The following AKAP13 variants were observed in gnomAD, a reference collection of about 807,000 sequenced individuals.
The protein encoded by AKAP13 is A-kinase anchoring protein 13, also known as A-kinase anchor protein 13.
AKAP13 carries 80 observed loss-of-function variants against 264.5 expected under a neutral mutation model. The observed-to-expected ratio is 0.30, with a 90% CI of 0.25 to 0.36. The LOEUF is 0.36. Among genes scored for constraint, AKAP13 ranks in the 10% least tolerant of loss-of-function variants. AKAP13 has a pLI of 1.00. For synonymous variants in AKAP13, 1,380 were observed against 1,250.2 expected, an observed-to-expected ratio of 1.10 and a Z score of -2.19; for missense variants, 3,712 against 3,435.2, an observed-to-expected ratio of 1.08 and a Z score of -2.01.
chr15:85,639,972 G>A (rs2082234859), intron 9 of AKAP13, among the ~76,000 whole-genome samples: 1 of 152,214 alleles, frequency 6.6e-6, no homozygotes, highest in African/African-American at 2.4e-5. Flanking sequence ...CAGGAATTAA[G>A]TCTTTCCTTA....
intron 15 of AKAP13, 126 bp downstream of exon 15, chr15:85,682,338 G>A: frequency 1.1e-6 from 1 of 944,504 alleles, no homozygotes; most frequent in Non-Finnish European, 1.6e-6. Context: ...TGATAAACTT[G>A]GAATAATGAT....
chr15:85,595,362 G>T (rs1308527260), intron 8 of AKAP13, among the ~76,000 whole-genome samples: 1 of 152,112 alleles, frequency 6.6e-6, no homozygotes, highest in Non-Finnish European at 1.5e-5. Flanking sequence ...GCCTCCCAAA[G>T]TGCTGGGAAT....
At chr15:85,654,872 A>G (rs374132922) in intron 10 of AKAP13, among the ~76,000 whole-genome samples, 1 of 151,962 alleles carries the variant, frequency 6.6e-6, no homozygotes, top group East Asian at 1.9e-4. Context: ...CTTCTAGTGT[A>G]GTACCTCTAG....
intron 1 of AKAP13, among the ~76,000 whole-genome samples, chr15:85,438,380 T>A (rs2073434020): frequency 6.6e-6 from 1 of 151,332 alleles, no homozygotes; most frequent in Admixed American, 6.6e-5. Flanking sequence ...ATCGTGAAAA[T>A]GGCCATACTT....
chr15:85,682,071 G>A, intron 14 of AKAP13, 87 bp from the exon 15 acceptor site: 4 of 1,266,676 alleles, frequency 3.2e-6, no homozygotes, highest in Non-Finnish European at 4.6e-6. Context: ...TTTTGCTTTA[G>A]CTGTGTCATT....
At chr15:85,554,391 A>C (rs1272815901) in intron 5 of AKAP13, among the ~76,000 whole-genome samples, 1 of 152,158 alleles carries the variant, frequency 6.6e-6, no homozygotes, top group East Asian at 1.9e-4. Context: ...TGAATATGAT[A>C]TCTCTTTTAA....
Position 85,719,065 on chromosome 15 carries a change from C to T in AKAP13, c.6002-11C>T. Reference sequence around the variant, plus strand: ...AGTGTTCCTGACACTTGATCTTTTTCCTCCTTTTAGAGTTGATGCAGACAG... The same window carrying T: ...AGTGTTCCTGACACTTGATCTTTTTTCTCCTTTTAGAGTTGATGCAGACAG... On this transcript the variant is annotated splice_polypyrimidine_tract_variant and intron_variant, in intron 22 of 36. Coordinates refer to ENST00000394518, the MANE Select transcript of AKAP13 (RefSeq NM_007200.5). 1 of 1,612,526 alleles carries T rather than the reference C, an allele frequency of 6.2e-7. No homozygotes were observed. The highest frequency in any genetic ancestry group is 8.5e-7 in the Non-Finnish European group (1 of 1,179,352).
At chr15:85,399,502 C>CAA (rs71138392) in intron 1 of AKAP13, among the ~76,000 whole-genome samples, 54 of 77,012 alleles carry the variant, frequency 7.0e-4, no homozygotes, top group East Asian at 1.5e-3. Context: ...GACTCCGTCT[C>CAA]AAAAAAAAAA....
At chr15:85,485,808 G>A in intron 2 of AKAP13, 55 bp downstream of exon 2, 1 of 1,528,836 alleles carries the variant, frequency 6.5e-7, no homozygotes. Context: ...CTGCTTACTT[G>A]TTATAATAAG....
chr15:85,460,006 C>T (rs2074445443), intron 1 of AKAP13, among the ~76,000 whole-genome samples: 1 of 152,202 alleles, frequency 6.6e-6, no homozygotes, highest in Admixed American at 6.6e-5. Flanking sequence ...AGGACAGCTG[C>T]AGTAGCCTCC....
intron 1 of AKAP13, among the ~76,000 whole-genome samples, chr15:85,430,643 C>G (rs958806174): frequency 1.3e-5 from 2 of 152,174 alleles, no homozygotes; most frequent in Admixed American, 1.3e-4. Context: ...GGTAGCGTTT[C>G]TGCCTTTTGT....
intron 14 of AKAP13, among the ~76,000 whole-genome samples, chr15:85,671,368 A>T (rs113880880): frequency 0.018 from 2,759 of 150,122 alleles, 78 homozygotes; most frequent in African/African-American, 0.064. Flanking sequence ...CAGGAGGTCA[A>T]GGCTGCAGTG....
chr15:85,731,281 T>C (rs1403251879), intron 30 of AKAP13, among the ~76,000 whole-genome samples: 1 of 152,200 alleles, frequency 6.6e-6, no homozygotes, highest in African/African-American at 2.4e-5. Context: ...GCTGATATTA[T>C]AGGCGTGAGC....
intron 2 of AKAP13, among the ~76,000 whole-genome samples, chr15:85,510,005 T>G (rs2076366678): frequency 6.6e-6 from 1 of 152,228 alleles, no homozygotes; most frequent in Non-Finnish European, 1.5e-5. Context: ...GACCTGTGTT[T>G]GAGAAGACTG....
chr15:85,582,267 G>A (rs765965505), intron 7 of AKAP13, among the ~76,000 whole-genome samples, 160 bp downstream of exon 7: 6 of 152,164 alleles, frequency 3.9e-5, no homozygotes, highest in East Asian at 3.8e-4. Flanking sequence ...GGAGGGGCAC[G>A]TCATCTCAGG....
intron 13 of AKAP13, among the ~76,000 whole-genome samples, chr15:85,668,759 T>TG (rs1259029258): frequency 6.6e-6 from 1 of 152,116 alleles, no homozygotes; most frequent in Non-Finnish European, 1.5e-5. Flanking sequence ...CTGGCCAACA[T>TG]GGTGAAACCC....
At chr15:85,684,130 G>A (rs561867847) in intron 15 of AKAP13, among the ~76,000 whole-genome samples, 4 of 152,252 alleles carry the variant, frequency 2.6e-5, no homozygotes, top group African/African-American at 9.6e-5. Context: ...ACATATATGG[G>A]TTTCCTTTCA....
At position 85,703,314 on chromosome 15, in the gene AKAP13, A is replaced by G. The variant is rs12908095; in HGVS notation, c.5465-4705A>G. ...AAAAAGACCCTAAGCAATAAAGGCA[A>G]TTCTTTTTTAAGCAGAATACTTTCA... is the stretch of plus-strand genomic sequence containing the variant. On this transcript the variant is annotated intron_variant, in intron 17 of 36. Transcript: ENST00000394518. Among the ~76,000 whole-genome samples the G allele has an allele frequency of 3.7e-3, 569 of 152,336 alleles. 1 individual carries two copies. Among genetic ancestry groups the G allele is most frequent in the Admixed American group, 7.3e-3 (112 of 15,306 alleles).
Position 85,422,391 on chromosome 15 carries a change from G to A in AKAP13, c.-12+41593G>A, listed in dbSNP as rs543666729. Among the ~76,000 whole-genome samples, 4 of 152,282 alleles carry A rather than the reference G, an allele frequency of 2.6e-5. No individual in the cohort carries two copies. The South Asian group carries it at 6.2e-4, about 24-fold the overall frequency. ...TGAGGAAGAGTTAGCAGGGAAAAGG[G>A]GAGGAAAGGCTTGGAGCCCTGAGAA... On this transcript the variant is annotated intron_variant, in intron 1 of 36. Transcript: ENST00000394518.
Sources: allele counts gnomAD v4.1 joint callset (sites outside exome capture counted in the v4.1 genomes callset), GRCh38; gene constraint gnomAD v4.1.1; transcripts MANE v1.5; gene names NCBI Gene and HGNC (gene_info 2026-07-23, HGNC 2026-07-21).